The following ABCA13 variants were observed in gnomAD, a reference collection of about 807,000 sequenced individuals.
The protein encoded by ABCA13 is ATP-binding cassette sub-family A member 13.
In ABCA13, 476 loss-of-function variants were observed where a neutral mutation model predicts 478.7. That is an observed-to-expected ratio of 0.99 (90% CI 0.92 to 1.07). The LOEUF (loss-of-function observed/expected upper bound fraction) is 1.07, where lower values mean the gene tolerates loss of function less well. Among genes scored for constraint, ABCA13 ranks in the 50% least tolerant of loss-of-function variants. The pLI is 0.00. For missense variants in ABCA13, 6,060 were observed against 5,910.6 expected (o/e 1.03, Z -0.83); for synonymous variants, 2,252 against 2,158.9 (o/e 1.04, Z -1.20).
At chr7:48,345,438 A>C (rs1295866079) in intron 29 of ABCA13, among the ~76,000 whole-genome samples, 1 of 152,104 alleles carries the variant, frequency 6.6e-6, no homozygotes, top group Non-Finnish European at 1.5e-5. Context: ...CAAGAGGTGG[A>C]GGTGGAAAAA....
intron 42 of ABCA13, among the ~76,000 whole-genome samples, chr7:48,437,541 T>G (rs1484485718): frequency 6.6e-6 from 1 of 152,098 alleles, no homozygotes; most frequent in Non-Finnish European, 1.5e-5. Flanking sequence ...TCTTTATCCA[T>G]GTTTTCCTTT....
intron 50 of ABCA13, 131 bp from the exon 51 acceptor site, chr7:48,510,953 C>A: frequency 4.1e-6 from 3 of 732,490 alleles, no homozygotes; most frequent in South Asian, 1.9e-5. Flanking sequence ...AATTCCACGG[C>A]TACAGAACTC....
At chr7:48,330,030 T>TATCCATCCATCCATCCATCC (rs59122878) in intron 27 of ABCA13, among the ~76,000 whole-genome samples, 4 of 139,742 alleles carry the variant, frequency 2.9e-5, no homozygotes, top group Admixed American at 7.0e-5. Context: ...TTGATCTATT[T>TATCCATCCATCCATCCATCC]ATCCATCCAT....
intron 55 of ABCA13, among the ~76,000 whole-genome samples, chr7:48,536,817 C>A (rs1450302384): frequency 6.6e-6 from 1 of 151,872 alleles, no homozygotes; most frequent in African/African-American, 2.4e-5. Context: ...TGTTAAATTT[C>A]ATATGCTAAT....
chr7:48,372,390 A>G lies in ABCA13; in HGVS notation c.11026A>G (p.Asn3676Asp). The G allele has an allele frequency of 6.2e-7, 1 of 1,613,946 alleles. No homozygotes were observed. The highest frequency in any genetic ancestry group is 8.5e-7 in the Non-Finnish European group (1 of 1,179,852). The change falls in exon 33 of 62, where the codon AAT becomes GAT. Residue 3676 changes from asparagine to aspartate, a missense_variant. Asn to Asp is a conservative substitution (Grantham distance 23). Transcript: ENST00000435803. ...CTTGAGTGCATTTTTCAGCCAAGCT[A>G]ATACAGCGGCCCTTTGTACCAGCCT... ...YLLSAFFSQA[N>D]TAALCTSLVY...
At chr7:48,401,913 A>G (rs772020927) in intron 38 of ABCA13, among the ~76,000 whole-genome samples, 2 of 152,224 alleles carry the variant, frequency 1.3e-5, no homozygotes, top group African/African-American at 2.4e-5. Flanking sequence ...AACCAGTTGC[A>G]TAAGATATAA....
At chr7:48,514,929 G>T (rs771582891) in intron 51 of ABCA13, among the ~76,000 whole-genome samples, 1 of 147,172 alleles carries the variant, frequency 6.8e-6, no homozygotes, top group Non-Finnish European at 1.5e-5. Context: ...TTGCTATTGA[G>T]TAGAGTGTCT....
chr7:48,337,894 C>T (rs1044737355), intron 28 of ABCA13, among the ~76,000 whole-genome samples: 1 of 152,178 alleles, frequency 6.6e-6, no homozygotes, highest in Admixed American at 6.5e-5. Flanking sequence ...AAGAATGGTA[C>T]AGATGAAGCA....
At chr7:48,402,672 A>T (rs1467790839) in intron 38 of ABCA13, among the ~76,000 whole-genome samples, 1 of 152,222 alleles carries the variant, frequency 6.6e-6, no homozygotes, top group African/African-American at 2.4e-5. Context: ...TCAGGCAGAA[A>T]ATGGGATTCA....
chr7:48,334,063 C>G (rs989858574), intron 27 of ABCA13, among the ~76,000 whole-genome samples: 4 of 152,038 alleles, frequency 2.6e-5, no homozygotes, highest in African/African-American at 9.7e-5. Flanking sequence ...AGCTAGGCTG[C>G]CTTCTGTTAC....
Position 48,274,400 on chromosome 7 carries a change from A to T in ABCA13, c.4734A>T (p.Leu1578Phe), listed in dbSNP as rs1796019640. Residue 1578 changes from leucine to phenylalanine, a missense_variant, in exon 17 of 62, where the codon TTA (leucine) becomes TTT (phenylalanine). Physicochemically the swap from Leu to Phe is conservative, Grantham distance 22. Transcript: ENST00000435803. ...CCTCTTCTAAAACTGAAAACTTGTT[A>T]AACATATTTGCCACCAGTCCAAAAG... is the stretch of plus-strand genomic sequence containing the variant. The part of the protein sequence containing the change: ...NNSSSKTENL[L>F]NIFATSPKEK... 1 of 1,612,770 alleles carries T rather than the reference A, an allele frequency of 6.2e-7. No homozygotes were observed. Among genetic ancestry groups the T allele is most frequent in the Non-Finnish European group, 8.5e-7 (1 of 1,179,538 alleles).
intron 22 of ABCA13, among the ~76,000 whole-genome samples, chr7:48,298,000 G>T (rs1799641754): frequency 6.7e-6 from 1 of 149,856 alleles, no homozygotes; most frequent in Non-Finnish European, 1.5e-5. Flanking sequence ...TGGTCAGGCT[G>T]GTCTCGAACT....
At chr7:48,340,192 C>A (rs1456444506) in intron 29 of ABCA13, among the ~76,000 whole-genome samples, 1 of 152,092 alleles carries the variant, frequency 6.6e-6, no homozygotes, top group Non-Finnish European at 1.5e-5. Flanking sequence ...CTGCAACCTG[C>A]GACTTCTGGG....
chr7:48,361,125 G>A (rs892066934), intron 31 of ABCA13, among the ~76,000 whole-genome samples: 1 of 151,124 alleles, frequency 6.6e-6, no homozygotes, highest in Non-Finnish European at 1.5e-5. Context: ...AGAAAACTAC[G>A]AATGACTTAA....
At chr7:48,599,741 T>G (rs1044848333) in intron 58 of ABCA13, among the ~76,000 whole-genome samples, 6 of 152,196 alleles carry the variant, frequency 3.9e-5, no homozygotes, top group African/African-American at 1.4e-4. Flanking sequence ...TAATTGTGGT[T>G]GTATTCCAAT....
intron 33 of ABCA13, 63 bp from the exon 34 acceptor site, chr7:48,374,284 G>T: frequency 1.4e-6 from 2 of 1,470,578 alleles, no homozygotes; most frequent in South Asian, 2.6e-5. Flanking sequence ...TAAGTGTTGT[G>T]GATTTTCTGT....
At chr7:48,367,305 C>A (rs536467285) in intron 31 of ABCA13, among the ~76,000 whole-genome samples, 3 of 152,180 alleles carry the variant, frequency 2.0e-5, no homozygotes, top group South Asian at 4.2e-4. Context: ...AGAGTCATTT[C>A]AAGTGTATAT....
intron 24 of ABCA13, among the ~76,000 whole-genome samples, chr7:48,311,675 T>C (rs937882727): frequency 1.3e-5 from 2 of 152,168 alleles, no homozygotes; most frequent in Admixed American, 6.5e-5. Flanking sequence ...AATGACATCA[T>C]CATTAATAAC....
intron 42 of ABCA13, among the ~76,000 whole-genome samples, chr7:48,454,525 G>T (rs998878861): frequency 3.3e-5 from 5 of 152,186 alleles, no homozygotes; most frequent in African/African-American, 1.2e-4. Flanking sequence ...GCAGGGAGGC[G>T]CAGTGGGCAG....
Sources: allele counts gnomAD v4.1 joint callset (sites outside exome capture counted in the v4.1 genomes callset), GRCh38; gene constraint gnomAD v4.1.1; transcripts MANE v1.5; gene names NCBI Gene and HGNC (gene_info 2026-07-23, HGNC 2026-07-21).